The following C1R variants were observed in gnomAD, a reference collection of about 807,000 sequenced individuals.
C1R encodes complement C1r subcomponent.
In C1R, 15 loss-of-function variants were observed where a neutral mutation model predicts 27.6. The observed-to-expected ratio is 0.54, with a 90% CI of 0.36 to 0.84. The LOEUF (loss-of-function observed/expected upper bound fraction) is 0.84. Among genes scored for constraint, C1R ranks in the 40% least tolerant of loss-of-function variants. C1R has a pLI of 0.01. For synonymous variants in C1R, 253 were observed against 228.8 expected, an observed-to-expected ratio of 1.11 and a Z score of -0.95; for missense variants, 544 against 577.9, an observed-to-expected ratio of 0.94 and a Z score of 0.60.
chr12:7,082,533 G>A (rs980392779), intron 9 of C1R, among the ~76,000 whole-genome samples: 7 of 151,924 alleles, frequency 4.6e-5, no homozygotes, highest in African/African-American at 1.5e-4. Flanking sequence ...GGGTTTCACC[G>A]TGTTAGCCAG....
Position 7,091,474 on chromosome 12 carries a change from C to T in C1R, c.209G>A (p.Gly70Asp). 1 of 772,572 alleles carries T rather than the reference C, an allele frequency of 1.3e-6. No individual in the cohort carries two copies. The allele number at this position is 772,572 out of a possible 1,614,324, so 47.9% of individuals were successfully genotyped here. Residue 70 changes from glycine to aspartate, a missense_variant, in exon 2 of 11, where the codon GGC (glycine) becomes GAC (aspartate). Coordinates refer to ENST00000647956, the MANE Select transcript of C1R (RefSeq NM_001733.7). The surrounding 1 kb of genome is among the most constrained non-coding windows in gnomAD (Gnocchi z 5.1). ...FQQFDLEPSE[G>D]CFYDYVKISA... ...TACCTTGACATAATCATAGAAGCAG[C>T]CTTCAGAAGGCTCCAGGTCAAACTG...
At chr12:7,090,534 A>T (rs968108290) in intron 2 of C1R, among the ~76,000 whole-genome samples, 4 of 151,730 alleles carry the variant, frequency 2.6e-5, no homozygotes, top group African/African-American at 9.7e-5. Context: ...CTCCATCCCC[A>T]CCACCTCCTA....
In C1R at chr12:7,088,528, G is replaced by T. The variant is rs1274174142; in HGVS notation, c.1038+82C>A. ...ACGTCTACGACTCCAGCTGGGGTGA[G>T]ACTAAATCCTCTGTGAACCCACCAC... is the stretch of plus-strand genomic sequence containing the variant. On this transcript the variant is annotated intron_variant, in intron 7 of 10. Transcript: ENST00000647956. The T allele has an allele frequency of 5.6e-6, 4 of 718,206 alleles. No homozygotes were observed. The South Asian group carries it at 5.9e-5, about 11-fold the overall frequency. The allele number at this position is 718,206 out of a possible 1,614,324, so 44.5% of individuals were successfully genotyped here.
In C1R at chr12:7,089,003, GT is replaced by G. The variant is rs377237263; in HGVS notation, c.769-18del. ...GGCATAGATCTAGTAGGGGAGGAGG[GT>G]TTTTTTTTTTCAGCTTGGACGTTTT... On this transcript the variant is annotated intron_variant, in intron 5 of 10. Coordinates refer to ENST00000647956, the MANE Select transcript of C1R (RefSeq NM_001733.7). 6.9e-3 allele frequency: 3,668 copies of G among 533,058 alleles called. 1 individual carries two copies. The highest frequency in any genetic ancestry group is 0.013 in the South Asian group (591 of 45,494). The allele number at this position is 533,058 out of a possible 1,614,324, so 33.0% of individuals were successfully genotyped here.
chr12:7,086,507 TC>T, intron 7 of C1R, 50 bp from the exon 8 acceptor site: 1 of 398,262 alleles, frequency 2.5e-6, no homozygotes, highest in Admixed American at 4.4e-5. Flanking sequence ...GCAATGGAGG[TC>T]CCCTTCCTGC....
chr12:7,090,015 G>C, intron 3 of C1R, 41 bp downstream of exon 3: 1 of 735,210 alleles, frequency 1.4e-6, no homozygotes, highest in South Asian at 1.5e-5. Context: ...CATTCAATAT[G>C]GCTGAGGTCA....
intron 9 of C1R, among the ~76,000 whole-genome samples, chr12:7,085,411 G>T (rs1326070329): frequency 6.6e-6 from 1 of 151,830 alleles, no homozygotes; most frequent in East Asian, 1.9e-4. Context: ...TAGTAATGGT[G>T]GTGGTGATAG....
chr12:7,080,666 C>G lies in C1R; in HGVS notation c.1984G>C (p.Asp662His). The G allele has an allele frequency of 6.2e-7, 1 of 1,613,894 alleles. No homozygotes were observed. Among genetic ancestry groups the G allele is most frequent in the African/African-American group, 1.3e-5 (1 of 75,002 alleles). Residue 662 changes from aspartate to histidine, a missense_variant, in exon 11 of 11, where the codon GAC becomes CAC. Transcript: ENST00000647956. The surrounding 1 kb of genome is among the most constrained non-coding windows in gnomAD (Gnocchi z 4.9). Reference protein sequence around the residue: ...GDSGGVFAVRDPNTDRWVATG... With the variant: ...GDSGGVFAVRHPNTDRWVATG... ...GCCACCCAGCGATCAGTGTTCGGGTCCCTTACTGCAAAAACGCCCCCACTA... is the reference window on the plus strand; with the variant it reads ...GCCACCCAGCGATCAGTGTTCGGGTGCCTTACTGCAAAAACGCCCCCACTA...
At chr12:7,088,780 C>T (rs1201775755) in intron 6 of C1R, 49 bp from the exon 7 acceptor site, 2 of 775,450 alleles carry the variant, frequency 2.6e-6, no homozygotes, top group African/African-American at 1.7e-5. Context: ...ACTTGTCCTT[C>T]CTTCTTCCCC....
In C1R at chr12:7,091,428, T is replaced by C. The variant is rs1415691091; in HGVS notation, c.231+24A>G. On this transcript the variant is annotated intron_variant, in intron 2 of 10. Coordinates refer to ENST00000647956, the MANE Select transcript of C1R (RefSeq NM_001733.7). The surrounding 1 kb of genome is among the most constrained non-coding windows in gnomAD (Gnocchi z 5.1). Reference sequence around the variant, plus strand: ...CCAGAGGGCCCAGTTTTGTCTCCCCTCTGCCCGCCCATCCTGCCCCTACCT... The same window carrying C: ...CCAGAGGGCCCAGTTTTGTCTCCCCCCTGCCCGCCCATCCTGCCCCTACCT... 1.4e-6 allele frequency: 1 copy of C among 730,126 alleles called. No individual in the cohort carries two copies. The highest frequency in any genetic ancestry group is 1.7e-5 in the African/African-American group (1 of 57,812). 45.2% of individuals were successfully genotyped at this position (730,126 alleles called of 1,614,324 possible).
At position 7,091,870 on chromosome 12, in the gene C1R, G is replaced by T; in HGVS notation, c.3-190C>A. ...GGATGGCCTGTGCAGCTGCTGCATC[G>T]GGTCACTCTCCAGGGCAGTGTCCAG... On this transcript the variant is annotated intron_variant, in intron 1 of 10. Coordinates refer to ENST00000647956, the MANE Select transcript of C1R (RefSeq NM_001733.7). This position sits in a 1 kb window ranked among gnomAD's most constrained non-coding sequence, Gnocchi z 5.1. 1.4e-6 allele frequency: 1 copy of T among 695,690 alleles called. No individual in the cohort carries two copies. The highest frequency in any genetic ancestry group is 1.5e-5 in the South Asian group (1 of 66,630). 43.1% of individuals were successfully genotyped at this position (695,690 alleles called of 1,614,324 possible). A position where few individuals can be genotyped will look rare whatever the true frequency, so the allele number is the denominator to read the frequency against.
In C1R at chr12:7,092,436, T is replaced by A. The variant is rs1467710506; in HGVS notation, c.-48A>T. The A allele has an allele frequency of 1.3e-6, 1 of 780,636 alleles. No individual in the cohort carries two copies. The highest frequency in any genetic ancestry group is 2.4e-5 in the East Asian group (1 of 41,238). 48.4% of individuals were successfully genotyped at this position (780,636 alleles called of 1,614,324 possible). ...CTGGGCTCTCCCGACAGCGTCTTCG[T>A]GCACTGTGTGCAGAGGGAGCCCGCG... On this transcript the variant is annotated 5_prime_UTR_variant, in exon 1 of 11. Coordinates refer to ENST00000647956, the MANE Select transcript of C1R (RefSeq NM_001733.7).
chr12:7,089,807 C>A, intron 3 of C1R, 74 bp from the exon 4 acceptor site: 1 of 745,302 alleles, frequency 1.3e-6, no homozygotes, highest in South Asian at 1.4e-5. Context: ...TTAGGGAGGT[C>A]ACTCACCAGA....
At position 7,088,720 on chromosome 12, in the gene C1R, G is replaced by A. The variant is rs1591590161; in HGVS notation, c.928C>T (p.Pro310Ser). The change falls in exon 7 of 11, where the codon CCC becomes TCC. Residue 310 changes from proline (P) to serine (S), a missense_variant. Physicochemically the swap from Pro to Ser is moderately conservative, Grantham distance 74. Around this residue, in one of 2 missense-constraint regions of C1R, gnomAD observed 291 missense variants for 209.0 expected, o/e 1.39. Transcript: ENST00000647956. ...LRYTTEIIKC[P>S]QPKTLDEFTI... is the part of the protein sequence containing the mutation. ...AACTCGTCTAGGGTCTTGGGCTGGG[G>A]GCACTTGATGACTGTTGGGGAGACC... 1.3e-6 allele frequency: 1 copy of A among 777,788 alleles called. No homozygotes were observed. The highest frequency in any genetic ancestry group is 2.4e-6 in the Non-Finnish European group (1 of 416,776). The allele number at this position is 777,788 out of a possible 1,614,324, so 48.2% of individuals were successfully genotyped here.
intron 2 of C1R, among the ~76,000 whole-genome samples, chr12:7,090,857 C>T (rs1247901800): frequency 1.3e-5 from 2 of 152,184 alleles, no homozygotes; most frequent in African/African-American, 4.8e-5. Flanking sequence ...GCCGGTAAGA[C>T]GTGCCATTGT....
At position 7,088,569 on chromosome 12, in the gene C1R, G is replaced by A. The variant is rs749792147; in HGVS notation, c.1038+41C>T. 19 of 718,788 alleles carry A rather than the reference G, an allele frequency of 2.6e-5. No homozygotes were observed. In the African/African-American group the frequency reaches 2.8e-4, roughly 11 times the overall value. 44.5% of individuals were successfully genotyped at this position (718,788 alleles called of 1,614,324 possible). ...AACCCACCACCTGAATTCCTCCTGG[G>A]GTGCTGGGCCGGCTCTCTCCCCTCA... On this transcript the variant is annotated intron_variant, in intron 7 of 10. Coordinates refer to ENST00000647956, the MANE Select transcript of C1R (RefSeq NM_001733.7).
rs1294752685 is a variant in C1R at position 7,080,957 on chromosome 12, T to C, written c.1693A>G (p.Asn565Asp). Residue 565 changes from asparagine (N) to aspartate (D), a missense_variant, in exon 11 of 11, where the codon AAT becomes GAT. Physicochemically the swap from Asn to Asp is conservative, Grantham distance 23. This residue lies in a region of C1R where 253 missense variants were observed against 368.9 expected (regional missense o/e 0.69). Coordinates refer to ENST00000647956, the MANE Select transcript of C1R (RefSeq NM_001733.7). This position sits in a 1 kb window ranked among gnomAD's most constrained non-coding sequence, Gnocchi z 4.9. ...EGDIALLELE[N>D]SVTLGPNLLP... ...AGGTTGGGACCCAGGGTGACACTAT[T>C]TTCCAGCTCCAGCAGGGCGATGTCC... The C allele has an allele frequency of 6.2e-7, 1 of 1,613,370 alleles. No homozygotes were observed. Among genetic ancestry groups the C allele is most frequent in the Admixed American group, 1.7e-5 (1 of 60,012 alleles).
At chr12:7,082,872 A>G (rs1017078806) in intron 9 of C1R, among the ~76,000 whole-genome samples, 9 of 152,032 alleles carry the variant, frequency 5.9e-5, no homozygotes, top group Admixed American at 5.9e-4. Context: ...TATTATCCTC[A>G]TTTTGTGGAT....
At chr12:7,088,422 A>G (rs1565630179) in intron 7 of C1R, 188 bp downstream of exon 7, 8 of 703,788 alleles carry the variant, frequency 1.1e-5, no homozygotes, top group Middle Eastern at 4.9e-4. Flanking sequence ...GGCTCAAGCA[A>G]TCTTCCAGGA....
Sources: gnomAD v4.1 joint callset for allele counts (sites outside exome capture counted in the v4.1 genomes callset) on GRCh38, gnomAD v4.1.1 for gene constraint, gnomAD v4.1.1 regional missense constraint, Gnocchi (gnomAD v3.1) non-coding constraint, MANE v1.5 for transcripts, NCBI Gene and HGNC (gene_info 2026-07-23, HGNC 2026-07-21) for gene names.